Variants in RIN2 observed in about 807,000 individuals in gnomAD.
RIN2 encodes Ras and Rab interactor 2, also known as RAB5 interacting protein 2.
In RIN2, 36 loss-of-function variants were observed where a neutral mutation model predicts 78.0. The observed-to-expected ratio is 0.46, with a 90% CI of 0.35 to 0.61. The LOEUF (loss-of-function observed/expected upper bound fraction) is 0.61. Among genes scored for constraint, RIN2 ranks in the 20% least tolerant of loss-of-function variants. The probability of loss-of-function intolerance (pLI) is 0.00; values close to 1 mark genes in which losing one functional copy is unlikely to be tolerated. For missense variants in RIN2, 1,087 were observed against 1,159.7 expected, an observed-to-expected ratio of 0.94 and a Z score of 0.91; for synonymous variants, 466 against 466.8, an observed-to-expected ratio of 1.00 and a Z score of 0.02.
chr20:19,921,215 C>A (rs192002123), intron 3 of RIN2, among the ~76,000 whole-genome samples: 2 of 152,142 alleles, frequency 1.3e-5, no homozygotes, highest in African/African-American at 4.8e-5. Flanking sequence ...TGAAAGCAAA[C>A]GTTTTACACT....
rs777247848 is a variant in RIN2, at chr20:20,000,772, G to A, written c.2524G>A (p.Glu842Lys). The change falls in exon 13 of 13, where the codon GAG (glutamate) becomes AAG (lysine). Residue 842 changes from glutamate to lysine, a missense_variant. This residue lies in a region of RIN2 where 160 missense variants were observed against 179.4 expected (regional missense o/e 0.89). Coordinates refer to ENST00000255006, the MANE Select transcript of RIN2 (RefSeq NM_018993.4). ...GTACAGCCTCTTTCTCTTCGTTGAC[G>A]AGACATGGCAGCAGCTGGCAGAGGA... Reference protein sequence around the residue: ...EEYSLFLFVDETWQQLAEDTY... With the variant: ...EEYSLFLFVDKTWQQLAEDTY... 5.0e-6 allele frequency: 8 copies of A among 1,613,834 alleles called. No homozygotes were observed. The highest frequency in any genetic ancestry group is 3.3e-5 in the Admixed American group (2 of 60,002).
At chr20:19,998,908 C>T (rs1212789402) in intron 12 of RIN2, among the ~76,000 whole-genome samples, 1 of 152,158 alleles carries the variant, frequency 6.6e-6, no homozygotes, top group Non-Finnish European at 1.5e-5. Context: ...CCCTCCTCCA[C>T]CTCTTCACCT....
intron 2 of RIN2, among the ~76,000 whole-genome samples, chr20:19,837,736 T>TTCTTTCTTTTTTC (rs1048946654): frequency 8.6e-5 from 2 of 23,224 alleles, no homozygotes; most frequent in African/African-American, 1.5e-4. Context: ...TTCTCCTTGA[T>TTCTTTCTTTTTTC]TCTTTCTTTT....
chr20:19,841,336 A>G lies in RIN2; in HGVS notation c.-37+41589A>G, dbSNP rs73901306. Among the ~76,000 whole-genome samples the G allele has an allele frequency of 7.1e-3, 1,086 of 152,172 alleles. 13 individuals carry two copies. The highest frequency in any genetic ancestry group is 0.025 in the African/African-American group (1,025 of 41,528). ...GATTTTTTTGGCAGTGCTGGCTTGAACATGAATTGGCTTTTGTTCTTTCAG... is the reference window on the plus strand; with the variant it reads ...GATTTTTTTGGCAGTGCTGGCTTGAGCATGAATTGGCTTTTGTTCTTTCAG... On this transcript the variant is annotated intron_variant, in intron 2 of 12. Transcript: ENST00000255006.
At chr20:19,842,349 T>C (rs1404320752) in intron 2 of RIN2, among the ~76,000 whole-genome samples, 1 of 149,952 alleles carries the variant, frequency 6.7e-6, no homozygotes, top group African/African-American at 2.4e-5. Context: ...CAGCACCCCC[T>C]AGTAGCTGGG....
intron 11 of RIN2, among the ~76,000 whole-genome samples, chr20:19,995,995 C>T (rs2042950016): frequency 6.6e-6 from 1 of 152,154 alleles, no homozygotes; most frequent in South Asian, 2.1e-4. Context: ...CCCAACTACT[C>T]CTGGCAAACA....
intron 2 of RIN2, among the ~76,000 whole-genome samples, chr20:19,835,126 GAAA>G (rs1568796895): frequency 4.6e-5 from 5 of 107,888 alleles, no homozygotes; most frequent in African/African-American, 1.6e-4. Context: ...GAGGAAGGAA[GAAA>G]GGAAGGAAGG....
At chr20:19,823,999 C>A (rs374199508) in intron 2 of RIN2, 17 of 1,090,006 alleles carry the variant, frequency 1.6e-5, no homozygotes, top group East Asian at 1.3e-4. Flanking sequence ...AAGAAAGTTG[C>A]ACCTTGGCCT....
intron 2 of RIN2, among the ~76,000 whole-genome samples, chr20:19,874,650 T>C (rs6075586): frequency 0.86 from 131,489 of 152,088 alleles, 57,136 homozygotes; most frequent in African/African-American, 0.95. Flanking sequence ...AAGGAAACAA[T>C]TTGCACAGCA....
chr20:19,794,296 C>T (rs1380730764), intron 1 of RIN2, among the ~76,000 whole-genome samples: 1 of 152,182 alleles, frequency 6.6e-6, no homozygotes, highest in Non-Finnish European at 1.5e-5. Flanking sequence ...TAGCTCACGT[C>T]TGTAATCCCA....
intron 2 of RIN2, among the ~76,000 whole-genome samples, chr20:19,803,968 G>A (rs2035327335): frequency 6.6e-6 from 1 of 152,148 alleles, no homozygotes; most frequent in Non-Finnish European, 1.5e-5. Flanking sequence ...AATTGTGAAT[G>A]GGAGTTCATT....
At chr20:19,813,510 C>G (rs534904027) in intron 2 of RIN2, among the ~76,000 whole-genome samples, 2 of 152,112 alleles carry the variant, frequency 1.3e-5, no homozygotes, top group African/African-American at 4.8e-5. Flanking sequence ...GGCTTCCATT[C>G]GAGTGGGAGA....
chr20:19,863,130 T>A (rs748349210), intron 2 of RIN2, among the ~76,000 whole-genome samples: 1 of 152,206 alleles, frequency 6.6e-6, no homozygotes, highest in Non-Finnish European at 1.5e-5. Context: ...AGGAACAGCA[T>A]GTGTGTGCAA....
chr20:19,996,330 A>G (rs2042963220), intron 11 of RIN2, among the ~76,000 whole-genome samples: 2 of 152,050 alleles, frequency 1.3e-5, no homozygotes, highest in African/African-American at 2.4e-5. Flanking sequence ...AAACAAACAA[A>G]AAAACAAACA....
intron 2 of RIN2, among the ~76,000 whole-genome samples, chr20:19,860,878 C>G (rs541034358): frequency 6.6e-6 from 1 of 152,024 alleles, no homozygotes; most frequent in Non-Finnish European, 1.5e-5. Context: ...ACTAAGTGAA[C>G]GAAGAAAAAA....
chr20:19,775,658 A>C (rs1386354526), intron 1 of RIN2, among the ~76,000 whole-genome samples: 7 of 152,276 alleles, frequency 4.6e-5, no homozygotes, highest in African/African-American at 1.7e-4. Context: ...CTGGAAAAAC[A>C]GAGGCTTAGA....
chr20:19,825,248 C>G (rs2036053898), intron 2 of RIN2, among the ~76,000 whole-genome samples: 1 of 152,214 alleles, frequency 6.6e-6, no homozygotes, highest in Non-Finnish European at 1.5e-5. Context: ...CAGGCTCTGC[C>G]TCTAGGAAAT....
chr20:19,833,311 C>G (rs1011272118), intron 2 of RIN2, among the ~76,000 whole-genome samples: 1 of 147,212 alleles, frequency 6.8e-6, no homozygotes, highest in African/African-American at 2.6e-5. Flanking sequence ...ACTTTAAGTT[C>G]CAGGATGCAC....
intron 1 of RIN2, among the ~76,000 whole-genome samples, chr20:19,766,844 G>A (rs765344246): frequency 1.3e-4 from 19 of 151,724 alleles, no homozygotes; most frequent in South Asian, 2.1e-4. Flanking sequence ...CCCGGGAGGC[G>A]GAGGTTGCAG....
Sources: allele counts gnomAD v4.1 joint callset (sites outside exome capture counted in the v4.1 genomes callset), GRCh38; gene constraint gnomAD v4.1.1; regional missense constraint gnomAD v4.1.1; transcripts MANE v1.5; gene names NCBI Gene and HGNC (gene_info 2026-07-23, HGNC 2026-07-21).